TRIM48: variants seen among roughly 807,000 people sequenced by gnomAD.
The protein encoded by TRIM48 is E3 ubiquitin-protein ligase TRIM48.
TRIM48 carries 31 observed loss-of-function variants against 29.5 expected under a neutral mutation model. The ratio of observed to expected loss-of-function variants is 1.05; its 90% CI spans 0.79 to 1.42. The LOEUF is 1.42. Among genes scored for constraint, TRIM48 ranks in the 40% most tolerant of loss-of-function variants. The probability of loss-of-function intolerance (pLI) is 0.00; values close to 1 mark genes in which losing one functional copy is unlikely to be tolerated. For missense variants in TRIM48, 344 were observed against 265.0 expected, an observed-to-expected ratio of 1.30 and a Z score of -2.07; for synonymous variants, 128 against 90.6, an observed-to-expected ratio of 1.41 and a Z score of -2.34.
chr11:55,263,742 G>C (rs1203496737), intron 1 of TRIM48, among the ~76,000 whole-genome samples: 1 of 152,092 alleles, frequency 6.6e-6, no homozygotes, highest in Non-Finnish European at 1.5e-5. Context: ...TCTACACGAG[G>C]GGAATTCATC....
rs778664966 is a variant in TRIM48, at chr11:55,268,842, C to T, written c.579-400C>T. ...GTTTCTAAAAGGCAGGTCTAGCTGC[C>T]TAGGACAAGTTTCACATTCTTTATC... On this transcript the variant is annotated intron_variant, in intron 4 of 5. Coordinates refer to ENST00000417545, the MANE Select transcript of TRIM48 (RefSeq NM_024114.5). Among the ~76,000 whole-genome samples, 24 of 147,916 alleles carry T rather than the reference C, an allele frequency of 1.6e-4. 4 individuals are homozygous for T. The highest frequency in any genetic ancestry group is 3.6e-4 in the Non-Finnish European group (24 of 66,924).
chr11:55,266,895 T>C (rs1196001366), intron 3 of TRIM48, among the ~76,000 whole-genome samples: 1 of 147,366 alleles, frequency 6.8e-6, no homozygotes, highest in East Asian at 2.2e-4. Context: ...AGAAAAAGAA[T>C]GGAAGGAAAT....
Position 55,270,251 on chromosome 11 carries a change from G to C in TRIM48, c.*2-186G>C, listed in dbSNP as rs570494867. Reference sequence around the variant, plus strand: ...TTTTAATATCTGTGGTTAGCATTTTGTTTGTCTTGTAGATAATATTAATCA... The same window carrying C: ...TTTTAATATCTGTGGTTAGCATTTTCTTTGTCTTGTAGATAATATTAATCA... On this transcript the variant is annotated intron_variant, in intron 5 of 5. Coordinates refer to ENST00000417545, the MANE Select transcript of TRIM48 (RefSeq NM_024114.5). Among the ~76,000 whole-genome samples the C allele has an allele frequency of 2.3e-4, 34 of 148,060 alleles. 2 individuals are homozygous for C. Among genetic ancestry groups the C allele is most frequent in the African/African-American group, 7.9e-4 (32 of 40,534 alleles).
chr11:55,269,221 A>C lies in TRIM48; in HGVS notation c.579-21A>C, dbSNP rs1007175332. 3 of 1,569,990 alleles carry C rather than the reference A, an allele frequency of 1.9e-6. 1 individual carries two copies. The African/African-American group carries it at 4.1e-5, about 21-fold the overall frequency. On this transcript the variant is annotated intron_variant, in intron 4 of 5. Coordinates refer to ENST00000417545, the MANE Select transcript of TRIM48 (RefSeq NM_024114.5). Reference sequence around the variant, plus strand: ...TTATTTTATGGCTGTAGATGTTGTAACTGCAGGTTTTTCCTTGCAGGAGTG... The same window carrying C: ...TTATTTTATGGCTGTAGATGTTGTACCTGCAGGTTTTTCCTTGCAGGAGTG...
intron 3 of TRIM48, chr11:55,267,395 T>C (rs1857409775): frequency 1.3e-6 from 2 of 1,573,454 alleles, no homozygotes; most frequent in African/African-American, 1.4e-5. Flanking sequence ...GACTAACCCA[T>C]TATTACTGCC....
intron 5 of TRIM48, 33 bp from the exon 6 acceptor site, chr11:55,270,402 CTT>C (rs1249754123): frequency 1.4e-6 from 2 of 1,407,790 alleles, no homozygotes; most frequent in East Asian, 5.5e-5. Flanking sequence ...TTCTTTCTTT[CTT>C]TCTTTCTATT....
chr11:55,263,927 T>A (rs1356519918), intron 1 of TRIM48, among the ~76,000 whole-genome samples: 2 of 152,144 alleles, frequency 1.3e-5, no homozygotes, highest in African/African-American at 4.8e-5. Flanking sequence ...TCCTTTTATC[T>A]GAGCTACAAG....
At position 55,270,562 on chromosome 11, in the gene TRIM48, C is replaced by T; in HGVS notation, c.*127C>T. 9 of 1,583,488 alleles carry T rather than the reference C, an allele frequency of 5.7e-6. 1 individual carries two copies. Among genetic ancestry groups the T allele is most frequent in the Middle Eastern group, 1.8e-4 (1 of 5,694 alleles). Reference sequence around the variant, plus strand: ...TATCACTGCAACACCTACAAGTTTTCTTGCATGGGGTGCTCAGACTTTCAC... The same window carrying T: ...TATCACTGCAACACCTACAAGTTTTTTTGCATGGGGTGCTCAGACTTTCAC... On this transcript the variant is annotated 3_prime_UTR_variant, in exon 6 of 6. Coordinates refer to ENST00000417545, the MANE Select transcript of TRIM48 (RefSeq NM_024114.5).
In TRIM48 at chr11:55,265,225, A is replaced by C. The variant is rs1446430368; in HGVS notation, c.370A>C (p.Arg124=). The part of the protein sequence containing the change: ...ETKKMFCEVD[R]SLLCLLCSSS... ...AAAGAAGATGTTCTGTGAAGTGGAC[A>C]GGAGCCTGCTCTGTTTGCTGTGCTC... Residue 124 remains arginine, a synonymous_variant, in exon 2 of 6, where the codon AGG becomes CGG. Transcript: ENST00000417545. 2 of 1,582,814 alleles carry C rather than the reference A, an allele frequency of 1.3e-6. No homozygotes were observed. Among genetic ancestry groups the C allele is most frequent in the Admixed American group, 1.7e-5 (1 of 58,548 alleles).
intron 3 of TRIM48, 129 bp downstream of exon 3, chr11:55,265,824 C>T: frequency 8.7e-7 from 1 of 1,146,892 alleles, no homozygotes; most frequent in Non-Finnish European, 1.2e-6. Flanking sequence ...GAGAAGAAAA[C>T]ATTGAGAAAA....
At position 55,263,905 on chromosome 11, in the gene TRIM48, C is replaced by T. The variant is rs147847755; in HGVS notation, c.45-995C>T. ...GAGAAAGAAAGAGGAAATTGCCTTTCCTCTGGCCTTTTCCTTTTATCTGAG... is the reference window on the plus strand; with the variant it reads ...GAGAAAGAAAGAGGAAATTGCCTTTTCTCTGGCCTTTTCCTTTTATCTGAG... On this transcript the variant is annotated intron_variant, in intron 1 of 5. Coordinates refer to ENST00000417545, the MANE Select transcript of TRIM48 (RefSeq NM_024114.5). Among the ~76,000 whole-genome samples, 526 of 152,232 alleles carry T rather than the reference C, an allele frequency of 3.5e-3. 5 individuals are homozygous for T. The highest frequency in any genetic ancestry group is 0.012 in the African/African-American group (507 of 41,562).
intron 3 of TRIM48, among the ~76,000 whole-genome samples, chr11:55,266,524 G>A (rs996319300): frequency 1.4e-5 from 2 of 147,512 alleles, no homozygotes; most frequent in African/African-American, 5.0e-5. Context: ...TGGTCAACAT[G>A]CAAATATGTG....
intron 1 of TRIM48, among the ~76,000 whole-genome samples, chr11:55,262,843 G>T (rs1043301726): frequency 6.6e-6 from 1 of 152,004 alleles, no homozygotes; most frequent in African/African-American, 2.4e-5. Flanking sequence ...ATATGTGATG[G>T]TGGTTGCCAT....
chr11:55,264,333 T>A (rs1392822740), intron 1 of TRIM48, among the ~76,000 whole-genome samples: 2 of 147,858 alleles, frequency 1.4e-5, no homozygotes, highest in African/African-American at 5.0e-5. Flanking sequence ...TCGCTTTGGA[T>A]TTGGTTTTTT....
At chr11:55,264,326 CT>C (rs1207461218) in intron 1 of TRIM48, among the ~76,000 whole-genome samples, 1 of 147,222 alleles carries the variant, frequency 6.8e-6, no homozygotes, top group Non-Finnish European at 1.5e-5. Context: ...TTCTATTTCG[CT>C]TTGGATTTGG....
chr11:55,264,936 G>A lies in TRIM48; in HGVS notation c.81G>A (p.Arg27=). 1 of 1,583,688 alleles carries A rather than the reference G, an allele frequency of 6.3e-7. No homozygotes were observed. The highest frequency in any genetic ancestry group is 8.6e-7 in the Non-Finnish European group (1 of 1,166,100). The change falls in exon 2 of 6, where the codon AGG becomes AGA. Residue 27 remains arginine, a synonymous_variant. Transcript: ENST00000417545. ...MNSGISQVFQ[R]ELTCPICMNY... ...CTGGAATCTCGCAAGTCTTCCAGAG[G>A]GAACTCACCTGCCCCATCTGCATGA... is the stretch of plus-strand genomic sequence containing the variant.
chr11:55,265,809 A>G (rs561028866), intron 3 of TRIM48, 114 bp downstream of exon 3: 2 of 1,222,112 alleles, frequency 1.6e-6, no homozygotes, highest in Non-Finnish European at 2.2e-6. Context: ...AAAAAAAAAA[A>G]AAAAGAGAAG....
chr11:55,270,343 AC>A (rs1857462404), intron 5 of TRIM48, 93 bp from the exon 6 acceptor site: 1 of 1,049,552 alleles, frequency 9.5e-7, no homozygotes, highest in Non-Finnish European at 1.3e-6. Context: ...TGGTAAATTA[AC>A]TTTTTGATAG....
At position 55,269,258 on chromosome 11, in the gene TRIM48, C is replaced by T. The variant is rs199527337; in HGVS notation, c.595C>T (p.Leu199=). Residue 199 remains leucine (L), a synonymous_variant, in exon 5 of 6, where the codon CTG becomes TTG. Coordinates refer to ENST00000417545, the MANE Select transcript of TRIM48 (RefSeq NM_024114.5). ...TCCTTGCAGGAGTGAGTCCGTGCTG[C>T]TGCACATGCCCCAGCCTCTGAATCT... ...DILYRSESVL[L]HMPQPLNLAL... 9.1e-5 allele frequency: 143 copies of T among 1,575,438 alleles called. 10 individuals carry two copies. The highest frequency in any genetic ancestry group is 1.2e-4 in the Non-Finnish European group (141 of 1,166,020).
Sources: allele counts gnomAD v4.1 joint callset (sites outside exome capture counted in the v4.1 genomes callset), GRCh38; gene constraint gnomAD v4.1.1; transcripts MANE v1.5; gene names NCBI Gene and HGNC (gene_info 2026-07-23, HGNC 2026-07-21).